CD55: variants seen among roughly 807,000 people sequenced by gnomAD.
CD55 encodes CD55 molecule (Cromer blood group).
CD55 carries 41 observed loss-of-function variants against 45.8 expected under a neutral mutation model. That is an observed-to-expected ratio of 0.90 (90% CI 0.70 to 1.16). The LOEUF is 1.16. CD55 is among the 50% of genes most tolerant of loss of function. CD55 has a pLI of 0.00. For synonymous variants in CD55, 181 were observed against 181.1 expected (o/e 1.00, Z 0.01); for missense variants, 416 against 469.8 (o/e 0.89, Z 1.06).
intron 9 of CD55, chr1:207,354,037 G>A: frequency 6.5e-7 from 1 of 1,535,260 alleles, no homozygotes; most frequent in Non-Finnish European, 8.7e-7. Context: ...GAAGTGTCTG[G>A]GTCATCCCAC....
intron 6 of CD55, among the ~76,000 whole-genome samples, chr1:207,333,790 C>T (rs529173304): frequency 4.6e-5 from 7 of 152,138 alleles, no homozygotes; most frequent in African/African-American, 1.7e-4. Flanking sequence ...GAGCAGGAAA[C>T]AGTATTAGGA....
rs910550483 is a variant in CD55, at chr1:207,360,740, T to C, written c.*1130T>C. On this transcript the variant is annotated 3_prime_UTR_variant, in exon 10 of 10. Transcript: ENST00000367064. ...GAAGGCAATCTGATTAATTTCTAGGTTTTTACCATATTCTTGTCATCTTGC... is the reference window on the plus strand; with the variant it reads ...GAAGGCAATCTGATTAATTTCTAGGCTTTTACCATATTCTTGTCATCTTGC... 6.6e-6 allele frequency: 1 copy of C among 152,176 alleles called. No homozygotes were observed. Among genetic ancestry groups the C allele is most frequent in the East Asian group, 1.9e-4 (1 of 5,200 alleles). The allele number at this position is 152,176 out of a possible 1,614,324, so 9.4% of individuals were successfully genotyped here.
chr1:207,356,810 A>G (rs562570957), intron 9 of CD55, among the ~76,000 whole-genome samples: 151 of 152,326 alleles, frequency 9.9e-4, no homozygotes, highest in African/African-American at 3.4e-3. Flanking sequence ...AATATACATA[A>G]TGTTAAGTAT....
intron 6 of CD55, among the ~76,000 whole-genome samples, chr1:207,332,333 A>G (rs1185187090): frequency 6.6e-6 from 1 of 152,154 alleles, no homozygotes; most frequent in Non-Finnish European, 1.5e-5. Flanking sequence ...AAATGATGCT[A>G]TAATATTCTT....
chr1:207,352,486 T>C (rs1184551718), intron 9 of CD55, among the ~76,000 whole-genome samples: 1 of 152,162 alleles, frequency 6.6e-6, no homozygotes, highest in African/African-American at 2.4e-5. Flanking sequence ...CAAAATCATA[T>C]AGAAGAAAGA....
rs956695368 is a variant in CD55 at position 207,360,577 on chromosome 1, A to C, written c.*967A>C. 1 of 152,168 alleles carries C rather than the reference A, an allele frequency of 6.6e-6. No homozygotes were observed. The highest frequency in any genetic ancestry group is 1.5e-5 in the Non-Finnish European group (1 of 68,016). 9.4% of individuals were successfully genotyped at this position (152,168 alleles called of 1,614,324 possible). Reference sequence around the variant, plus strand: ...ATAAGAAATTCCCTACCTGCTTCCTACAAGCAGTTCAGAATGCCATGCCTT... The same window carrying C: ...ATAAGAAATTCCCTACCTGCTTCCTCCAAGCAGTTCAGAATGCCATGCCTT... On this transcript the variant is annotated 3_prime_UTR_variant, in exon 10 of 10. Transcript: ENST00000367064.
intron 9 of CD55, among the ~76,000 whole-genome samples, chr1:207,357,036 A>G (rs1572904969): frequency 6.6e-6 from 1 of 152,158 alleles, no homozygotes; most frequent in East Asian, 1.9e-4. Context: ...AATTCTTTAG[A>G]TGATGTGACC....
chr1:207,349,348 A>T lies in CD55; in HGVS notation c.1081+9931A>T, dbSNP rs545074107. 2.0e-5 allele frequency among the ~76,000 whole-genome samples: 3 copies of T among 152,048 alleles called. No homozygotes were observed. In the East Asian group the frequency reaches 5.8e-4, roughly 29 times the overall value. ...CAGGTGCACACCACCACACCCAGCT[A>T]ATTTTTGTATTTCTAGTAGAGATGA... On this transcript the variant is annotated intron_variant, in intron 9 of 9. Coordinates refer to ENST00000367064, the MANE Select transcript of CD55 (RefSeq NM_000574.5).
intron 9 of CD55, among the ~76,000 whole-genome samples, chr1:207,353,039 G>GGTTT: frequency 1.8e-5 from 1 of 56,772 alleles, no homozygotes; most frequent in African/African-American, 6.8e-5. Flanking sequence ...TCTATTACCA[G>GGTTT]GTTTTTTTTT....
intron 6 of CD55, among the ~76,000 whole-genome samples, chr1:207,334,329 A>G (rs1390471185): frequency 6.6e-6 from 1 of 152,200 alleles, no homozygotes. Context: ...ATGTATTCAG[A>G]CAAAAACCAA....
chr1:207,323,197 TATATATATAAGGAGATATATAATTGGG>T (rs1395314020), intron 2 of CD55, among the ~76,000 whole-genome samples: 2 of 150,954 alleles, frequency 1.3e-5, no homozygotes, highest in South Asian at 2.1e-4. Context: ...AATTGGGATA[TATATATATAAGGAGATATATAATTGGG>T]ATATATATAA....
intron 2 of CD55, among the ~76,000 whole-genome samples, chr1:207,323,180 T>G (rs1217941821): frequency 6.6e-6 from 1 of 151,096 alleles, no homozygotes; most frequent in East Asian, 1.9e-4. Flanking sequence ...GGGAGAGAGA[T>G]ATATATAATT....
At chr1:207,342,431 G>A (rs1191660963) in intron 9 of CD55, among the ~76,000 whole-genome samples, 1 of 152,134 alleles carries the variant, frequency 6.6e-6, no homozygotes, top group Non-Finnish European at 1.5e-5. Context: ...AATATTAGCT[G>A]TGGGTTTGTC....
intron 6 of CD55, among the ~76,000 whole-genome samples, chr1:207,335,190 A>C (rs573793628): frequency 3.3e-4 from 50 of 151,576 alleles, no homozygotes; most frequent in Middle Eastern, 6.8e-3. Context: ...TCATAGTTAG[A>C]AAATTCCACA....
rs1283993761 is a variant in CD55 at position 207,321,851 on chromosome 1, T to C, written c.86T>C (p.Leu29Pro). ...CTGCTGCTGCTGGTGCTGTTGTGCCTGCCGGCCGTGTGGGGTGAGTAGGGG... is the reference window on the plus strand; with the variant it reads ...CTGCTGCTGCTGGTGCTGTTGTGCCCGCCGGCCGTGTGGGGTGAGTAGGGG... The part of the protein sequence containing the change: ...PRLLLLVLLC[L>P]PAVWGDCGLP... The change falls in exon 1 of 10, where the codon CTG (leucine) becomes CCG (proline). Residue 29 changes from leucine (L) to proline (P), a missense_variant. Physicochemically the swap from Leu to Pro is moderately conservative, Grantham distance 98. Transcript: ENST00000367064. The C allele has an allele frequency of 6.5e-7, 1 of 1,528,162 alleles. No homozygotes were observed. Among genetic ancestry groups the C allele is most frequent in the South Asian group, 1.2e-5 (1 of 83,508 alleles). 94.7% of individuals were successfully genotyped at this position (1,528,162 alleles called of 1,614,324 possible). A position where few individuals can be genotyped will look rare whatever the true frequency, so the allele number is the denominator to read the frequency against.
chr1:207,328,525 A>G (rs1289168545), intron 5 of CD55, among the ~76,000 whole-genome samples: 1 of 152,178 alleles, frequency 6.6e-6, no homozygotes, highest in Non-Finnish European at 1.5e-5. Flanking sequence ...CACATTCACT[A>G]ATTGTCTATA....
intron 6 of CD55, among the ~76,000 whole-genome samples, chr1:207,333,215 TA>T (rs1206459298): frequency 2.6e-5 from 4 of 152,216 alleles, no homozygotes; most frequent in African/African-American, 9.6e-5. Flanking sequence ...GTCTCCCCTT[TA>T]GCACATCTGT....
intron 9 of CD55, chr1:207,340,261 C>T: frequency 3.7e-6 from 1 of 271,404 alleles, no homozygotes; most frequent in Non-Finnish European, 6.9e-6. Flanking sequence ...ATAATGGCCT[C>T]TAGTTCCATT....
chr1:207,347,645 C>T (rs1186932250), intron 9 of CD55: 1 of 187,902 alleles, frequency 5.3e-6, no homozygotes, highest in East Asian at 1.4e-4. Context: ...AATTGTGTGT[C>T]ATTAGGGTTG....
Sources: allele counts gnomAD v4.1 joint callset (sites outside exome capture counted in the v4.1 genomes callset), GRCh38; gene constraint gnomAD v4.1.1; transcripts MANE v1.5; gene names NCBI Gene and HGNC (gene_info 2026-07-23, HGNC 2026-07-21).